The following RYR3 variants were observed in gnomAD, a reference collection of about 807,000 sequenced individuals.
The protein encoded by RYR3 is ryanodine receptor 3, also known as brain ryanodine receptor-calcium release channel.
Under a neutral mutation model 584.3 loss-of-function variants are expected in RYR3, and 207 were observed. The observed-to-expected ratio is 0.35, with a 90% CI of 0.32 to 0.40. RYR3 has a LOEUF of 0.40. RYR3 is among the 10% of genes least tolerant of loss of function. RYR3 has a pLI of 1.00. For missense variants in RYR3, 5,616 were observed against 6,089.2 expected (o/e 0.92, Z 2.59); for synonymous variants, 2,416 against 2,248.5 (o/e 1.07, Z -2.11).
chr15:33,855,013 G>A, intron 98 of RYR3, 101 bp downstream of exon 98: 3 of 1,200,150 alleles, frequency 2.5e-6, no homozygotes, highest in East Asian at 5.6e-5. Flanking sequence ...AATATGTCTT[G>A]GTATATAATG....
intron 12 of RYR3, among the ~76,000 whole-genome samples, chr15:33,573,302 A>G (rs1390316323): frequency 6.6e-6 from 1 of 152,206 alleles, no homozygotes; most frequent in African/African-American, 2.4e-5. Flanking sequence ...AAACATTTTG[A>G]AGTAGATTCT....
chr15:33,698,410 CTG>C (rs1409328646), intron 40 of RYR3, among the ~76,000 whole-genome samples: 6 of 152,188 alleles, frequency 3.9e-5, no homozygotes, highest in African/African-American at 1.4e-4. Flanking sequence ...GATGTTTCCT[CTG>C]TCAACCGAAC....
intron 69 of RYR3, among the ~76,000 whole-genome samples, chr15:33,803,612 T>C (rs1415325531): frequency 1.3e-5 from 2 of 152,284 alleles, no homozygotes; most frequent in South Asian, 2.1e-4. Context: ...GCCTCCCAGA[T>C]TCAAGCAATT....
At chr15:33,406,431 T>C (rs1054772527) in intron 1 of RYR3, among the ~76,000 whole-genome samples, 1 of 152,238 alleles carries the variant, frequency 6.6e-6, no homozygotes, top group African/African-American at 2.4e-5. Context: ...ATAAAATGTC[T>C]GTGATCTATC....
chr15:33,571,855 T>G (rs922993265), intron 12 of RYR3, among the ~76,000 whole-genome samples: 20 of 152,188 alleles, frequency 1.3e-4, no homozygotes, highest in Non-Finnish European at 2.1e-4. Context: ...TATGTTTCTT[T>G]TGTTATTTTT....
chr15:33,500,592 G>GA (rs1162200716), intron 2 of RYR3, among the ~76,000 whole-genome samples: 1 of 152,130 alleles, frequency 6.6e-6, no homozygotes, highest in East Asian at 1.9e-4. Context: ...AGGGCTTGGG[G>GA]AGAGTGATGA....
chr15:33,464,498 A>G (rs1275006524), intron 1 of RYR3, among the ~76,000 whole-genome samples: 1 of 105,668 alleles, frequency 9.5e-6, no homozygotes, highest in Non-Finnish European at 2.1e-5. Flanking sequence ...ATACACATAT[A>G]TATATACATA....
intron 2 of RYR3, among the ~76,000 whole-genome samples, chr15:33,477,578 A>T (rs1336356289): frequency 6.7e-6 from 1 of 149,278 alleles, no homozygotes; most frequent in East Asian, 1.9e-4. Flanking sequence ...GTTTTGTTAA[A>T]AAAAAAAAAA....
chr15:33,419,615 C>G (rs1303123702), intron 1 of RYR3, among the ~76,000 whole-genome samples: 1 of 152,108 alleles, frequency 6.6e-6, no homozygotes, highest in Non-Finnish European at 1.5e-5. Context: ...CAAATAGTAC[C>G]TTTATTTGAC....
At chr15:33,382,626 AAATGACATTTTATACTTTCAAT>A (rs1167130584) in intron 1 of RYR3, among the ~76,000 whole-genome samples, 1 of 152,110 alleles carries the variant, frequency 6.6e-6, no homozygotes, top group African/African-American at 2.4e-5. Context: ...CCACCCCAAA[AAATGACATTTTATACTTTCAAT>A]ATTGTGCAAA....
At chr15:33,818,273 T>G (rs1723238375) in intron 75 of RYR3, among the ~76,000 whole-genome samples, 1 of 152,196 alleles carries the variant, frequency 6.6e-6, no homozygotes, top group African/African-American at 2.4e-5. Flanking sequence ...GTCAGCTGAT[T>G]GGAGTCTGTA....
At chr15:33,492,884 A>G (rs1426438891) in intron 2 of RYR3, among the ~76,000 whole-genome samples, 2 of 152,142 alleles carry the variant, frequency 1.3e-5, no homozygotes, top group Admixed American at 1.3e-4. Flanking sequence ...GAAAAGGCCA[A>G]GAGACACAGA....
chr15:33,368,528 C>T (rs1975839525), intron 1 of RYR3, among the ~76,000 whole-genome samples: 1 of 151,848 alleles, frequency 6.6e-6, no homozygotes, highest in South Asian at 2.1e-4. Context: ...CTTCCCAAGG[C>T]TGTTGAAGCT....
At chr15:33,317,485 G>C (rs144761880) in intron 1 of RYR3, among the ~76,000 whole-genome samples, 16 of 152,090 alleles carry the variant, frequency 1.1e-4, no homozygotes, top group Non-Finnish European at 1.9e-4. Context: ...AGTCAGGGGG[G>C]GTGTTTTAGG....
chr15:33,814,667 G>A (rs1677091527), intron 74 of RYR3, among the ~76,000 whole-genome samples: 1 of 152,066 alleles, frequency 6.6e-6, no homozygotes, highest in Non-Finnish European at 1.5e-5. Context: ...GGGAGGCCGA[G>A]GCAGGCAGAT....
chr15:33,545,345 G>A (rs1018497971), intron 8 of RYR3, among the ~76,000 whole-genome samples: 1 of 152,170 alleles, frequency 6.6e-6, no homozygotes, highest in African/African-American at 2.4e-5. Context: ...CTCAGCAAGT[G>A]TTTGAAAGGA....
intron 1 of RYR3, among the ~76,000 whole-genome samples, chr15:33,359,687 C>T (rs893973263): frequency 3.9e-5 from 6 of 151,984 alleles, no homozygotes; most frequent in African/African-American, 1.2e-4. Context: ...GGCGCGATCT[C>T]GGCTCACTGC....
In RYR3 at chr15:33,593,680, A is replaced by G. The variant is rs1184971965; in HGVS notation, c.1788+7564A>G. On this transcript the variant is annotated intron_variant, in intron 16 of 103. Transcript: ENST00000634891. ...AAAAATGGAAAAAAGAAGGGAAAAA[A>G]TTTGAAAACATTATTTCGAAGACTT... is the stretch of plus-strand genomic sequence containing the variant. Among the ~76,000 whole-genome samples the G allele has an allele frequency of 2.0e-5, 3 of 152,244 alleles. No homozygotes were observed. In the East Asian group the frequency reaches 5.8e-4, roughly 29 times the overall value.
At chr15:33,466,530 G>A (rs946539425) in intron 1 of RYR3, among the ~76,000 whole-genome samples, 1 of 152,136 alleles carries the variant, frequency 6.6e-6, no homozygotes, top group Non-Finnish European at 1.5e-5. Flanking sequence ...AACCAAAATA[G>A]TAAGTTGTAA....
Sources: allele counts gnomAD v4.1 joint callset (sites outside exome capture counted in the v4.1 genomes callset), GRCh38; gene constraint gnomAD v4.1.1; transcripts MANE v1.5; gene names NCBI Gene and HGNC (gene_info 2026-07-23, HGNC 2026-07-21).